Variants in MPPED1 observed in about 807,000 individuals in gnomAD.
The protein encoded by MPPED1 is metallophosphoesterase domain containing 1.
A neutral mutation model predicts 36.2 loss-of-function variants in MPPED1; 16 were observed. That is an observed-to-expected ratio of 0.44 (90% CI 0.30 to 0.67). MPPED1 has a LOEUF of 0.67. Among genes scored for constraint, MPPED1 ranks in the 30% least tolerant of loss-of-function variants. MPPED1 has a pLI of 0.10. For synonymous variants in MPPED1, 199 were observed against 191.3 expected (o/e 1.04, Z -0.33); for missense variants, 307 against 453.4 (o/e 0.68, Z 2.93).
intron 3 of MPPED1, among the ~76,000 whole-genome samples, chr22:43,452,305 C>G (rs896528089): frequency 6.6e-6 from 1 of 152,080 alleles, no homozygotes; most frequent in African/African-American, 2.4e-5. Context: ...TGAGCCAATG[C>G]GCCCAGCTGA....
chr22:43,447,809 A>G (rs958816777), intron 3 of MPPED1, among the ~76,000 whole-genome samples: 1 of 141,514 alleles, frequency 7.1e-6, no homozygotes, highest in Non-Finnish European at 1.5e-5. Context: ...TTATATATAT[A>G]TATATTTATA....
chr22:43,441,441 A>G (rs1930145125), intron 3 of MPPED1, among the ~76,000 whole-genome samples: 1 of 152,112 alleles, frequency 6.6e-6, no homozygotes, highest in Admixed American at 6.5e-5. Context: ...GAGCCACTCC[A>G]GGGCGGAGAC....
chr22:43,475,001 C>T (rs746707897), intron 4 of MPPED1, 40 bp downstream of exon 4: 4 of 1,592,492 alleles, frequency 2.5e-6, no homozygotes, highest in Non-Finnish European at 3.4e-6. Flanking sequence ...GCTGGTGAGA[C>T]CAGAGCTGAG....
intron 4 of MPPED1, among the ~76,000 whole-genome samples, chr22:43,478,424 G>A (rs367764799): frequency 7.5e-4 from 114 of 152,314 alleles, no homozygotes; most frequent in Admixed American, 2.7e-3. Flanking sequence ...TGGGGTTTAC[G>A]TTCTCGTGGG....
chr22:43,504,483 G>T (rs956446337), intron 6 of MPPED1, among the ~76,000 whole-genome samples: 1 of 151,832 alleles, frequency 6.6e-6, no homozygotes, highest in Non-Finnish European at 1.5e-5. Flanking sequence ...GGTGGTGGTG[G>T]TGATGAATGA....
intron 1 of MPPED1, 100 bp from the exon 2 acceptor site, chr22:43,424,808 C>T: frequency 5.1e-6 from 7 of 1,376,662 alleles, no homozygotes; most frequent in African/African-American, 3.0e-5. Flanking sequence ...TTTTTTTCCT[C>T]TCCCCCCGCC....
chr22:43,415,937 G>A (rs754694894), intron 1 of MPPED1, among the ~76,000 whole-genome samples: 3 of 152,212 alleles, frequency 2.0e-5, no homozygotes, highest in Admixed American at 6.5e-5. Flanking sequence ...AGAAAATGAT[G>A]CCTGCTTCCA....
intron 3 of MPPED1, among the ~76,000 whole-genome samples, chr22:43,442,212 T>TC (rs1208319756): frequency 2.6e-5 from 4 of 152,130 alleles, no homozygotes; most frequent in Middle Eastern, 3.4e-3. Flanking sequence ...AAGGTCCCCA[T>TC]CCCAGAGTTC....
At chr22:43,479,678 G>A (rs971719427) in intron 4 of MPPED1, among the ~76,000 whole-genome samples, 1 of 152,236 alleles carries the variant, frequency 6.6e-6, no homozygotes, top group Admixed American at 6.5e-5. Context: ...TCCCCCTTAA[G>A]CAGAGGGATG....
At chr22:43,468,701 A>G (rs1931257301) in intron 3 of MPPED1, among the ~76,000 whole-genome samples, 1 of 151,958 alleles carries the variant, frequency 6.6e-6, no homozygotes, top group Non-Finnish European at 1.5e-5. Context: ...TCCCCAGCGG[A>G]GCCTCGCCAG....
rs1450469745 is a variant in MPPED1 at position 43,497,960 on chromosome 22, TC to T, written c.633-274del. Among the ~76,000 whole-genome samples the T allele has an allele frequency of 1.2e-4, 8 of 64,510 alleles. No homozygotes were observed. The East Asian group carries it at 3.0e-3, about 24-fold the overall frequency. The allele number at this position is 64,510 out of a possible 152,430, so 42.3% of individuals were successfully genotyped here. A position where few individuals can be genotyped will look rare whatever the true frequency, so the allele number is the denominator to read the frequency against. On this transcript the variant is annotated intron_variant, in intron 4 of 6. Transcript: ENST00000443721. ...GTATATATATATATGTATTTAGCTT[TC>T]TTTTTTTTTTGGTTATGTAAATAAT...
intron 3 of MPPED1, among the ~76,000 whole-genome samples, chr22:43,472,999 G>A (rs1008570416): frequency 2.6e-5 from 4 of 152,234 alleles, no homozygotes; most frequent in African/African-American, 9.6e-5. Context: ...CCTGAGAGCT[G>A]AGTGTGATGG....
At chr22:43,501,165 G>A (rs772270529) in intron 5 of MPPED1, among the ~76,000 whole-genome samples, 1 of 152,220 alleles carries the variant, frequency 6.6e-6, no homozygotes, top group Non-Finnish European at 1.5e-5. Context: ...GCAGCACAGA[G>A]AGGTTGTAGC....
At chr22:43,495,504 A>T (rs796935996) in intron 4 of MPPED1, among the ~76,000 whole-genome samples, 416 of 9,190 alleles carry the variant, frequency 0.045, 3 homozygotes, top group Middle Eastern at 0.25. Context: ...GTGGTGGTGG[A>T]GGTGGTGGTG....
chr22:43,433,687 G>GC (rs1259454981), intron 2 of MPPED1, among the ~76,000 whole-genome samples: 1 of 152,078 alleles, frequency 6.6e-6, no homozygotes, highest in East Asian at 1.9e-4. Flanking sequence ...GCGCTAGTGC[G>GC]CCCTGCACAT....
chr22:43,424,313 T>C lies in MPPED1; in HGVS notation c.-78-595T>C, dbSNP rs369477316. Among the ~76,000 whole-genome samples, 298 of 152,286 alleles carry C rather than the reference T, an allele frequency of 2.0e-3. 1 individual carries two copies. Among genetic ancestry groups the C allele is most frequent in the Middle Eastern group, 6.8e-3 (2 of 294 alleles). Reference sequence around the variant, plus strand: ...GCCAGTGGGTATGTGACCATCTATGTCTGGGAAAATCCCTTCTCAGGGCAC... The same window carrying C: ...GCCAGTGGGTATGTGACCATCTATGCCTGGGAAAATCCCTTCTCAGGGCAC... On this transcript the variant is annotated intron_variant, in intron 1 of 6. Coordinates refer to ENST00000443721, the MANE Select transcript of MPPED1 (RefSeq NM_001044370.2).
intron 4 of MPPED1, among the ~76,000 whole-genome samples, chr22:43,495,980 G>A (rs1602017554): frequency 7.1e-6 from 1 of 140,144 alleles, no homozygotes; most frequent in Non-Finnish European, 1.6e-5. Flanking sequence ...GATGGTGGTG[G>A]TGGAGATGGT....
chr22:43,415,257 C>CA (rs1291060505), intron 1 of MPPED1, among the ~76,000 whole-genome samples: 1 of 81,216 alleles, frequency 1.2e-5, no homozygotes, highest in African/African-American at 4.5e-5. Flanking sequence ...AGGAAAGAAA[C>CA]AAAAAACCCA....
intron 3 of MPPED1, among the ~76,000 whole-genome samples, chr22:43,468,185 G>A (rs957426249): frequency 2.0e-5 from 3 of 152,254 alleles, no homozygotes; most frequent in African/African-American, 7.2e-5. Context: ...TCCACGGCTA[G>A]CAAATGCCAG....
Sources: allele counts gnomAD v4.1 joint callset (sites outside exome capture counted in the v4.1 genomes callset), GRCh38; gene constraint gnomAD v4.1.1; transcripts MANE v1.5; gene names NCBI Gene and HGNC (gene_info 2026-07-23, HGNC 2026-07-21).